LATS2: variants seen among roughly 807,000 people sequenced by gnomAD.
LATS2 encodes serine/threonine-protein kinase LATS2.
In LATS2, 24 loss-of-function variants were observed where a neutral mutation model predicts 76.0. That is an observed-to-expected ratio of 0.32 (90% CI 0.23 to 0.44). LATS2 has a LOEUF of 0.44. LATS2 is among the 20% of genes least tolerant of loss of function. The pLI is 1.00. For synonymous variants in LATS2, 692 were observed against 635.4 expected, an observed-to-expected ratio of 1.09 and a Z score of -1.34; for missense variants, 1,286 against 1,481.2, an observed-to-expected ratio of 0.87 and a Z score of 2.16.
At chr13:21,057,634 G>GT (rs201224061) in intron 1 of LATS2, among the ~76,000 whole-genome samples, 459 of 140,014 alleles carry the variant, frequency 3.3e-3, no homozygotes, top group Non-Finnish European at 4.5e-3. Flanking sequence ...TCTACTAAAA[G>GT]TAAAAAAAAA....
intron 2 of LATS2, among the ~76,000 whole-genome samples, chr13:21,029,939 C>A (rs1308058276): frequency 6.6e-6 from 1 of 151,852 alleles, no homozygotes; most frequent in African/African-American, 2.4e-5. Flanking sequence ...GCCTGGCCAA[C>A]ATGGTGAAAC....
At chr13:20,981,114 C>T (rs1285977951) in intron 6 of LATS2, among the ~76,000 whole-genome samples, 1 of 152,140 alleles carries the variant, frequency 6.6e-6, no homozygotes, top group Non-Finnish European at 1.5e-5. Context: ...AAGCTAGAGC[C>T]CGGAAATGTG....
intron 2 of LATS2, among the ~76,000 whole-genome samples, chr13:21,009,733 G>A (rs899966894): frequency 6.6e-6 from 1 of 152,132 alleles, no homozygotes; most frequent in Non-Finnish European, 1.5e-5. Context: ...CATAACAGAC[G>A]ACAATACACC....
At chr13:20,976,457 A>C (rs1869628870) in intron 7 of LATS2, among the ~76,000 whole-genome samples, 1 of 152,232 alleles carries the variant, frequency 6.6e-6, no homozygotes, top group South Asian at 2.1e-4. Context: ...GGACTGCATA[A>C]AAATTTAAAA....
Position 21,007,531 on chromosome 13 carries a change from G to GAGATAT in LATS2, c.343-16128_343-16127insATATCT, listed in dbSNP as rs1555225382. Reference sequence around the variant, plus strand: ...AAGGAGTAGTTAGTCGTAGGGGATGGATATATATATATAGTATATATATAT... The same window carrying GAGATAT: ...AAGGAGTAGTTAGTCGTAGGGGATGGAGATATATATATATATATAGTATATATATAT... On this transcript the variant is annotated intron_variant, in intron 2 of 7. Transcript: ENST00000382592. Among the ~76,000 whole-genome samples the GAGATAT allele has an allele frequency of 6.5e-4, 10 of 15,490 alleles. 2 individuals carry two copies. The highest frequency in any genetic ancestry group is 3.9e-3 in the African/African-American group (9 of 2,332). 10.2% of individuals were successfully genotyped at this position (15,490 alleles called of 152,430 possible).
In LATS2 at chr13:20,975,225, G is replaced by A. The variant is rs1869548865; in HGVS notation, c.2912C>T (p.Pro971Leu). Residue 971 changes from proline to leucine, a missense_variant, in exon 8 of 8, where the codon CCC (proline) becomes CTC (leucine). By Grantham distance (98) the Pro-to-Leu change is moderately conservative. This residue lies in a region of LATS2 where 210 missense variants were observed against 234.9 expected (regional missense o/e 0.89). Coordinates refer to ENST00000382592, the MANE Select transcript of LATS2 (RefSeq NM_014572.3). ...RNGADDLKAH[P>L]FFSAIDFSSD... ...GGAGAAGTCAATGGCGCTGAAGAAGGGGTGGGCCTTCAGGTCATCGGCCCC... is the reference window on the plus strand; with the variant it reads ...GGAGAAGTCAATGGCGCTGAAGAAGAGGTGGGCCTTCAGGTCATCGGCCCC... 1 of 1,614,232 alleles carries A rather than the reference G, an allele frequency of 6.2e-7. No homozygotes were observed. The highest frequency in any genetic ancestry group is 8.5e-7 in the Non-Finnish European group (1 of 1,180,036).
At chr13:21,036,792 CAAA>C (rs1555227233) in intron 2 of LATS2, among the ~76,000 whole-genome samples, 1 of 127,238 alleles carries the variant, frequency 7.9e-6, no homozygotes, top group African/African-American at 2.7e-5. Flanking sequence ...ACAACAACAA[CAAA>C]AAACAACAAC....
intron 2 of LATS2, among the ~76,000 whole-genome samples, chr13:21,044,046 A>G (rs9509500): frequency 0.83 from 125,835 of 152,240 alleles, 52,291 homozygotes; most frequent in South Asian, 0.91. Context: ...CTTTCACAAT[A>G]AGAATGTCTG....
chr13:21,061,070 G>T (rs1434460397), intron 1 of LATS2, among the ~76,000 whole-genome samples: 5 of 151,696 alleles, frequency 3.3e-5, no homozygotes, highest in African/African-American at 1.2e-4. Flanking sequence ...CCCGACGCCG[G>T]CCTCCAACTT....
At position 20,981,487 on chromosome 13, in the gene LATS2, G is replaced by A; in HGVS notation, c.2644C>T (p.Pro882Ser). 1 of 1,613,920 alleles carries A rather than the reference G, an allele frequency of 6.2e-7. No homozygotes were observed. The highest frequency in any genetic ancestry group is 2.2e-5 in the East Asian group (1 of 44,880). The change falls in exon 6 of 8, where the codon CCC becomes TCC. Residue 882 changes from proline to serine, a missense_variant. Coordinates refer to ENST00000382592, the MANE Select transcript of LATS2 (RefSeq NM_014572.3). ...GTACCTTTGCGGAGGAGCACCTCGG[G>A]TGCGATGTAGTTTGGAGTCCCCACC... ...SLVGTPNYIAPEVLLRKGYTQ... is the reference protein window; with the variant it reads ...SLVGTPNYIASEVLLRKGYTQ...
intron 2 of LATS2, among the ~76,000 whole-genome samples, chr13:21,031,072 T>G (rs562249735): frequency 1.6e-4 from 24 of 152,372 alleles, no homozygotes; most frequent in African/African-American, 4.3e-4. Flanking sequence ...AGAAGTCAGC[T>G]TTTAATCTTA....
At chr13:21,007,704 GTA>G (rs1319851169) in intron 2 of LATS2, among the ~76,000 whole-genome samples, 40 of 2,486 alleles carry the variant, frequency 0.016, 14 homozygotes, top group African/African-American at 0.08. Flanking sequence ...TATATAGTAT[GTA>G]TATATATATA....
At chr13:20,990,808 C>T (rs1437711124) in intron 3 of LATS2, among the ~76,000 whole-genome samples, 1 of 152,190 alleles carries the variant, frequency 6.6e-6, no homozygotes, top group Non-Finnish European at 1.5e-5. Flanking sequence ...GGGGGCCCAG[C>T]GCTCTGCCCA....
intron 2 of LATS2, among the ~76,000 whole-genome samples, chr13:20,998,731 C>G (rs1157041787): frequency 6.9e-6 from 1 of 144,232 alleles, no homozygotes; most frequent in Non-Finnish European, 1.5e-5. Context: ...GCCCCAAGGC[C>G]TTGTCAATGC....
At chr13:21,060,805 G>T (rs1411096778) in intron 1 of LATS2, among the ~76,000 whole-genome samples, 1 of 151,400 alleles carries the variant, frequency 6.6e-6, no homozygotes, top group African/African-American at 2.4e-5. Context: ...TGGGACGATG[G>T]CGCGGCCGGG....
chr13:21,047,140 T>C (rs923448046), intron 1 of LATS2, among the ~76,000 whole-genome samples: 1 of 152,192 alleles, frequency 6.6e-6, no homozygotes, highest in Non-Finnish European at 1.5e-5. Context: ...GTTCACGGCC[T>C]ACTCTGCTGT....
chr13:21,004,326 C>T (rs1302058953), intron 2 of LATS2, among the ~76,000 whole-genome samples: 1 of 150,318 alleles, frequency 6.7e-6, no homozygotes, highest in African/African-American at 2.4e-5. Context: ...CCCAGCTACT[C>T]GGGAGGCTGA....
intron 2 of LATS2, among the ~76,000 whole-genome samples, chr13:21,010,225 A>AAACAAACAAACAAAC (rs1871538050): frequency 3.0e-5 from 1 of 33,360 alleles, no homozygotes; most frequent in Non-Finnish European, 9.8e-5. Flanking sequence ...AACAAACAAA[A>AAACAAACAAACAAAC]AACCCACAAA....
rs1873067213 is a variant in LATS2, at chr13:21,046,086, A to G, written c.-60T>C. 8.5e-7 allele frequency: 1 copy of G among 1,177,002 alleles called. No individual in the cohort carries two copies. Among genetic ancestry groups the G allele is most frequent in the African/African-American group, 1.6e-5 (1 of 64,284 alleles). 72.9% of individuals were successfully genotyped at this position (1,177,002 alleles called of 1,614,324 possible). On this transcript the variant is annotated 5_prime_UTR_variant, in exon 2 of 8. Coordinates refer to ENST00000382592, the MANE Select transcript of LATS2 (RefSeq NM_014572.3). Reference sequence around the variant, plus strand: ...CTTCTTAAAGTGTTTTATTATTTAAAAAAAAAAACTGTCAATAGTATCAGT... The same window carrying G: ...CTTCTTAAAGTGTTTTATTATTTAAGAAAAAAAACTGTCAATAGTATCAGT...
Sources: gnomAD v4.1 joint callset for allele counts (sites outside exome capture counted in the v4.1 genomes callset) on GRCh38, gnomAD v4.1.1 for gene constraint, gnomAD v4.1.1 regional missense constraint, MANE v1.5 for transcripts, NCBI Gene and HGNC (gene_info 2026-07-23, HGNC 2026-07-21) for gene names.